The following CACNG8 variants were observed in gnomAD, a reference collection of about 807,000 sequenced individuals.
The protein encoded by CACNG8 is calcium voltage-gated channel auxiliary subunit gamma 8.
Under a neutral mutation model 26.9 loss-of-function variants are expected in CACNG8, and 5 were observed. The ratio of observed to expected loss-of-function variants is 0.19; its 90% confidence interval spans 0.10 to 0.39. The LOEUF (loss-of-function observed/expected upper bound fraction) is 0.39. Ranked by LOEUF, CACNG8 falls within the 10% of genes least tolerant of loss-of-function variation. The pLI, the probability that CACNG8 is intolerant of heterozygous loss-of-function variation, is 1.00. For synonymous variants in CACNG8, 321 were observed against 296.7 expected, an observed-to-expected ratio of 1.08 and a Z score of -0.84; for missense variants, 473 against 609.4, an observed-to-expected ratio of 0.78 and a Z score of 2.36.
intron 1 of CACNG8, among the ~76,000 whole-genome samples, chr19:53,969,302 C>T (rs531999216): frequency 3.9e-5 from 6 of 152,196 alleles, no homozygotes; most frequent in East Asian, 1.9e-4. Flanking sequence ...CGCGCCCAGC[C>T]GGTACTTTTA....
chr19:53,967,958 G>A (rs2145933368), intron 1 of CACNG8, among the ~76,000 whole-genome samples: 1 of 152,260 alleles, frequency 6.6e-6, no homozygotes, highest in South Asian at 2.1e-4. Flanking sequence ...TGGCCTGTGA[G>A]CCATAGCTGG....
intron 1 of CACNG8, among the ~76,000 whole-genome samples, chr19:53,969,975 T>C (rs2069292772): frequency 6.7e-6 from 1 of 149,360 alleles, no homozygotes; most frequent in Non-Finnish European, 1.5e-5. Flanking sequence ...CTACTAAATA[T>C]ACAAAAATAT....
chr19:53,979,028 C>G (rs1311393251), intron 2 of CACNG8, among the ~76,000 whole-genome samples: 2 of 126,462 alleles, frequency 1.6e-5, no homozygotes, highest in African/African-American at 6.1e-5. Flanking sequence ...GGGGAAAGAC[C>G]TAGGAAGACA....
At chr19:53,977,306 G>T (rs2069335454) in intron 1 of CACNG8, among the ~76,000 whole-genome samples, 1 of 152,210 alleles carries the variant, frequency 6.6e-6, no homozygotes, top group Non-Finnish European at 1.5e-5. Flanking sequence ...ATGGGCAGAG[G>T]TCTGCAGAAC....
chr19:53,963,866 A>G (rs2069257682), intron 1 of CACNG8, among the ~76,000 whole-genome samples: 1 of 148,812 alleles, frequency 6.7e-6, no homozygotes, highest in South Asian at 2.1e-4. Context: ...CGGTGGCACA[A>G]TCACAGCTCA....
intron 1 of CACNG8, among the ~76,000 whole-genome samples, chr19:53,968,552 G>A (rs986993922): frequency 6.6e-6 from 1 of 151,612 alleles, no homozygotes; most frequent in Non-Finnish European, 1.5e-5. Context: ...GGCGGATCAC[G>A]AGGTCAGGAG....
chr19:53,963,324 GCGA>G lies in CACNG8; in HGVS notation c.188_190del (p.Asp63del). On this transcript the variant is annotated inframe_deletion, in exon 1 of 4. Transcript: ENST00000270458. Reference sequence around the variant, plus strand: ...AACACCACCAACCTCACGGCCGGCGGCGACGACGGGACCCCCCACCGCGGGGGC... The same window carrying G: ...AACACCACCAACCTCACGGCCGGCGGCGACGGGACCCCCCACCGCGGGGGC... The G allele has an allele frequency of 1.9e-6, 3 of 1,602,616 alleles. No individual in the cohort carries two copies. Among genetic ancestry groups the G allele is most frequent in the Middle Eastern group, 1.7e-4 (1 of 6,036 alleles).
intron 3 of CACNG8, 97 bp downstream of exon 3, chr19:53,980,104 GCA>G: frequency 7.7e-7 from 1 of 1,298,290 alleles, no homozygotes; most frequent in Non-Finnish European, 1.0e-6. Context: ...GCGCGTGAGT[GCA>G]AGTGCGCGTT....
At chr19:53,963,724 C>T (rs1384674578) in intron 1 of CACNG8, among the ~76,000 whole-genome samples, 2 of 152,056 alleles carry the variant, frequency 1.3e-5, no homozygotes, top group African/African-American at 4.8e-5. Context: ...GCTGCCCCAT[C>T]ACACCCCTGC....
chr19:53,968,818 G>A (rs1406069501), intron 1 of CACNG8, among the ~76,000 whole-genome samples: 3 of 147,612 alleles, frequency 2.0e-5, no homozygotes, highest in African/African-American at 7.6e-5. Flanking sequence ...GTCACCAAAG[G>A]AGTGGAGAAA....
intron 1 of CACNG8, among the ~76,000 whole-genome samples, chr19:53,971,373 G>T (rs1401259766): frequency 6.6e-6 from 1 of 151,848 alleles, no homozygotes; most frequent in African/African-American, 2.4e-5. Flanking sequence ...GCATAGCCAA[G>T]ATATTATCAC....
chr19:53,987,612 G>A lies in CACNG8; in HGVS notation c.*4763G>A, dbSNP rs1352009789. On this transcript the variant is annotated 3_prime_UTR_variant, in exon 4 of 4. Coordinates refer to ENST00000270458, the MANE Select transcript of CACNG8 (RefSeq NM_031895.6). ...AGAGGAGGGAAGGAAAAGGAACCAGGAAGAGAAGAACTCTCTGAATTGGGC... is the reference window on the plus strand; with the variant it reads ...AGAGGAGGGAAGGAAAAGGAACCAGAAAGAGAAGAACTCTCTGAATTGGGC... 6.6e-6 allele frequency: 1 copy of A among 152,372 alleles called. No homozygotes were observed. Among genetic ancestry groups the A allele is most frequent in the Non-Finnish European group, 1.5e-5 (1 of 68,078 alleles). 9.4% of individuals were successfully genotyped at this position (152,372 alleles called of 1,614,324 possible). A position where few individuals can be genotyped will look rare whatever the true frequency, so the allele number is the denominator to read the frequency against.
At chr19:53,974,412 G>T (rs2069319119) in intron 1 of CACNG8, among the ~76,000 whole-genome samples, 1 of 152,140 alleles carries the variant, frequency 6.6e-6, no homozygotes, top group African/African-American at 2.4e-5. Flanking sequence ...ATGCTACTAT[G>T]AACACGAGTG....
Position 53,987,705 on chromosome 19 carries a change from G to A in CACNG8, c.*4856G>A, listed in dbSNP as rs79579144. 6,425 of 152,326 alleles carry A rather than the reference G, an allele frequency of 0.042. 288 individuals carry two copies. The highest frequency in any genetic ancestry group is 0.17 in the East Asian group (882 of 5,172). 9.4% of individuals were successfully genotyped at this position (152,326 alleles called of 1,614,324 possible). A position where few individuals can be genotyped will look rare whatever the true frequency, so the allele number is the denominator to read the frequency against. ...ACGAGGAGACTGGGATCAGGAAAGTGGCTTTGGGAGGGAGGAACCAAGGCT... is the reference window on the plus strand; with the variant it reads ...ACGAGGAGACTGGGATCAGGAAAGTAGCTTTGGGAGGGAGGAACCAAGGCT... On this transcript the variant is annotated 3_prime_UTR_variant, in exon 4 of 4. Coordinates refer to ENST00000270458, the MANE Select transcript of CACNG8 (RefSeq NM_031895.6).
At position 53,988,107 on chromosome 19, in the gene CACNG8, G is replaced by C. The variant is rs2069418500; in HGVS notation, c.*5258G>C. The C allele has an allele frequency of 6.6e-6, 1 of 152,582 alleles. No homozygotes were observed. Among genetic ancestry groups the C allele is most frequent in the South Asian group, 2.1e-4 (1 of 4,832 alleles). 9.5% of individuals were successfully genotyped at this position (152,582 alleles called of 1,614,324 possible). On this transcript the variant is annotated 3_prime_UTR_variant, in exon 4 of 4. Coordinates refer to ENST00000270458, the MANE Select transcript of CACNG8 (RefSeq NM_031895.6). The stretch of plus-strand genomic sequence containing the variant: ...CCAAGGGCTGCTGAGACTTGGACAA[G>C]GATGCAGAGAGCAGAGTGACCATTA...
intron 1 of CACNG8, among the ~76,000 whole-genome samples, chr19:53,973,826 A>C (rs76508404): frequency 4.1e-5 from 6 of 147,074 alleles, no homozygotes; most frequent in Admixed American, 1.3e-4. Flanking sequence ...ACTCCATCCC[A>C]AAAAAAAAGA....
In CACNG8 at chr19:53,983,019, C is replaced by A. The variant is rs180860342; in HGVS notation, c.*170C>A. 0.031 allele frequency: 9,871 copies of A among 317,086 alleles called. 211 individuals carry two copies. The highest frequency in any genetic ancestry group is 0.07 in the South Asian group (469 of 6,736). 19.6% of individuals were successfully genotyped at this position (317,086 alleles called of 1,614,324 possible). Reference sequence around the variant, plus strand: ...CCCCCCTCCCCCTCCGAAGCAGGGACCCCGAGGGAGGGGGCAGGGGAGGGA... The same window carrying A: ...CCCCCCTCCCCCTCCGAAGCAGGGAACCCGAGGGAGGGGGCAGGGGAGGGA... On this transcript the variant is annotated 3_prime_UTR_variant, in exon 4 of 4. Coordinates refer to ENST00000270458, the MANE Select transcript of CACNG8 (RefSeq NM_031895.6).
chr19:53,975,128 T>C lies in CACNG8; in HGVS notation c.284-3018T>C, dbSNP rs147637495. On this transcript the variant is annotated intron_variant, in intron 1 of 3. Coordinates refer to ENST00000270458, the MANE Select transcript of CACNG8 (RefSeq NM_031895.6). ...CATGCCCAGCTAATTTTTGTGTTTT[T>C]AGTAGAGACGGGGTTTCACTATGTT... Among the ~76,000 whole-genome samples, 1,084 of 151,910 alleles carry C rather than the reference T, an allele frequency of 7.1e-3. 6 individuals are homozygous for C. The highest frequency in any genetic ancestry group is 0.025 in the African/African-American group (1,027 of 41,414).
At position 53,963,127 on chromosome 19, in the gene CACNG8, G is replaced by C; in HGVS notation, c.-16G>C. On this transcript the variant is annotated 5_prime_UTR_variant, in exon 1 of 4. Transcript: ENST00000270458. The stretch of plus-strand genomic sequence containing the variant: ...CCCGGTGGTGGCCCACGGCCCCCCG[G>C]CTGCCCGTGGTCAAACTGGAGTCGC... 1.4e-6 allele frequency: 2 copies of C among 1,462,872 alleles called. No individual in the cohort carries two copies. The highest frequency in any genetic ancestry group is 1.8e-6 in the Non-Finnish European group (2 of 1,104,422). 90.6% of individuals were successfully genotyped at this position (1,462,872 alleles called of 1,614,324 possible).
Sources: gnomAD v4.1 joint callset for allele counts (sites outside exome capture counted in the v4.1 genomes callset) on GRCh38, gnomAD v4.1.1 for gene constraint, MANE v1.5 for transcripts, NCBI Gene and HGNC (gene_info 2026-07-23, HGNC 2026-07-21) for gene names.